MAPK4: variants seen among roughly 807,000 people sequenced by gnomAD.
MAPK4 encodes the protein Erk3-related.
A neutral mutation model predicts 47.7 loss-of-function variants in MAPK4; 22 were observed. That is an observed-to-expected ratio of 0.46 (90% CI 0.33 to 0.66). The LOEUF is 0.66. Ranked by LOEUF, MAPK4 falls within the 30% of genes least tolerant of loss-of-function variation. MAPK4 has a pLI of 0.02. For synonymous variants in MAPK4, 390 were observed against 365.7 expected (o/e 1.07, Z -0.76); for missense variants, 736 against 831.7 (o/e 0.88, Z 1.42).
At chr18:50,640,005 T>A (rs1209658049) in intron 1 of MAPK4, among the ~76,000 whole-genome samples, 1 of 152,232 alleles carries the variant, frequency 6.6e-6, no homozygotes, top group Non-Finnish European at 1.5e-5. Flanking sequence ...GGAATCAGTT[T>A]AAATATGTCA....
intron 1 of MAPK4, among the ~76,000 whole-genome samples, chr18:50,603,420 A>G (rs900408640): frequency 3.3e-5 from 5 of 152,066 alleles, no homozygotes; most frequent in African/African-American, 7.2e-5. Context: ...TGTCATGCCA[A>G]TTTCCTGCGT....
chr18:50,636,336 C>T (rs1423308275), intron 1 of MAPK4, among the ~76,000 whole-genome samples: 1 of 152,216 alleles, frequency 6.6e-6, no homozygotes, highest in Admixed American at 6.5e-5. Flanking sequence ...TGACTGAAGC[C>T]CCAAGAGGGC....
At chr18:50,606,819 ATG>A (rs1380408591) in intron 1 of MAPK4, among the ~76,000 whole-genome samples, 1 of 152,162 alleles carries the variant, frequency 6.6e-6, no homozygotes, top group African/African-American at 2.4e-5. Context: ...CAGCTGTCCA[ATG>A]TGTGTGAGCA....
At chr18:50,717,098 T>C (rs957922042) in intron 3 of MAPK4, among the ~76,000 whole-genome samples, 1 of 152,188 alleles carries the variant, frequency 6.6e-6, no homozygotes, top group Non-Finnish European at 1.5e-5. Flanking sequence ...GTGAGGCTGA[T>C]GTGACTCACT....
intron 2 of MAPK4, among the ~76,000 whole-genome samples, chr18:50,695,010 T>A (rs990439527): frequency 6.6e-6 from 1 of 152,144 alleles, no homozygotes; most frequent in African/African-American, 2.4e-5. Flanking sequence ...TTACTGTTGC[T>A]CTCTGCCTGT....
intron 5 of MAPK4, 105 bp from the exon 6 acceptor site, chr18:50,729,053 C>T: frequency 1.0e-6 from 1 of 981,536 alleles, no homozygotes; most frequent in African/African-American, 1.6e-5. Context: ...GGATGGGGGT[C>T]GAAGGCAGGT....
chr18:50,682,147 G>C (rs918654650), intron 2 of MAPK4, among the ~76,000 whole-genome samples: 2 of 152,132 alleles, frequency 1.3e-5, no homozygotes, highest in African/African-American at 4.8e-5. Flanking sequence ...GAATTAGATA[G>C]TAGTGATGAT....
intron 2 of MAPK4, among the ~76,000 whole-genome samples, chr18:50,688,410 G>A (rs1295224787): frequency 6.6e-6 from 1 of 152,218 alleles, no homozygotes; most frequent in African/African-American, 2.4e-5. Context: ...GCTGAGGTCA[G>A]AAAAGGCATG....
chr18:50,587,453 A>G (rs1039580509), intron 1 of MAPK4, among the ~76,000 whole-genome samples: 5 of 152,144 alleles, frequency 3.3e-5, no homozygotes, highest in African/African-American at 1.2e-4. Flanking sequence ...GTGCAGCCCA[A>G]ATGGAGTAAG....
intron 2 of MAPK4, among the ~76,000 whole-genome samples, chr18:50,680,309 C>G (rs1224678250): frequency 6.6e-6 from 1 of 151,902 alleles, no homozygotes; most frequent in Non-Finnish European, 1.5e-5. Flanking sequence ...CCAGGCTGGT[C>G]TTGAACTCCT....
chr18:50,663,844 C>A lies in MAPK4; in HGVS notation c.-115C>A. 2 of 874,086 alleles carry A rather than the reference C, an allele frequency of 2.3e-6. No homozygotes were observed. The highest frequency in any genetic ancestry group is 1.7e-5 in the South Asian group (1 of 59,702). The allele number at this position is 874,086 out of a possible 1,614,324, so 54.1% of individuals were successfully genotyped here. A position where few individuals can be genotyped will look rare whatever the true frequency, so the allele number is the denominator to read the frequency against. ...GTGACCTCACTAGGAGAAAACACAT[C>A]CCTCAGCCGTGGGACTTGACAGAAT... On this transcript the variant is annotated 5_prime_UTR_variant, in exon 2 of 6. Transcript: ENST00000400384.
intron 2 of MAPK4, among the ~76,000 whole-genome samples, chr18:50,712,953 G>A (rs1386163261): frequency 1.3e-5 from 2 of 152,060 alleles, no homozygotes; most frequent in Admixed American, 6.6e-5. Context: ...TTTTAGAATC[G>A]AACTTAAATT....
At chr18:50,725,858 C>A in intron 4 of MAPK4, 104 bp from the exon 5 acceptor site, 2 of 956,552 alleles carry the variant, frequency 2.1e-6, no homozygotes, top group Non-Finnish European at 1.7e-6. Flanking sequence ...TTAACAAATG[C>A]AGAAGCACAG....
chr18:50,644,748 C>G (rs993169504), intron 1 of MAPK4, among the ~76,000 whole-genome samples: 1 of 152,100 alleles, frequency 6.6e-6, no homozygotes, highest in Non-Finnish European at 1.5e-5. Flanking sequence ...AGCTCAAATC[C>G]TCAATGTGAG....
At chr18:50,624,676 A>C (rs1275614420) in intron 1 of MAPK4, among the ~76,000 whole-genome samples, 1 of 152,082 alleles carries the variant, frequency 6.6e-6, no homozygotes. Context: ...TGAATTTACA[A>C]TTTTTTCAAA....
At chr18:50,708,623 T>C (rs1277351343) in intron 2 of MAPK4, among the ~76,000 whole-genome samples, 1 of 152,140 alleles carries the variant, frequency 6.6e-6, no homozygotes, top group African/African-American at 2.4e-5. Flanking sequence ...AGGAAGACGG[T>C]TTTGGCACAT....
intron 1 of MAPK4, among the ~76,000 whole-genome samples, chr18:50,566,637 C>T (rs1174760489): frequency 6.6e-6 from 1 of 152,200 alleles, no homozygotes; most frequent in African/African-American, 2.4e-5. Context: ...TACATCTATG[C>T]CAAAGGTGTG....
intron 1 of MAPK4, among the ~76,000 whole-genome samples, chr18:50,625,927 C>CACACACACACACACACACAT (rs1167419602): frequency 3.2e-5 from 3 of 93,368 alleles, no homozygotes; most frequent in African/African-American, 1.2e-4. Context: ...CACACACACA[C>CACACACACACACACACACAT]ATATATAATG....
rs563064447 is a variant in MAPK4, at chr18:50,713,164, A to T, written c.547-1915A>T. Reference sequence around the variant, plus strand: ...TGAATAAATTGTTTGAGATGATGGAATTGTTACGTATCTTGATTGTGATGG... The same window carrying T: ...TGAATAAATTGTTTGAGATGATGGATTTGTTACGTATCTTGATTGTGATGG... On this transcript the variant is annotated intron_variant, in intron 2 of 5. Coordinates refer to ENST00000400384, the MANE Select transcript of MAPK4 (RefSeq NM_002747.4). Among the ~76,000 whole-genome samples, 4 of 152,322 alleles carry T rather than the reference A, an allele frequency of 2.6e-5. No individual in the cohort carries two copies. In the East Asian group the frequency reaches 7.7e-4, roughly 29 times the overall value.
Sources: allele counts gnomAD v4.1 joint callset (sites outside exome capture counted in the v4.1 genomes callset), GRCh38; gene constraint gnomAD v4.1.1; transcripts MANE v1.5; gene names NCBI Gene and HGNC (gene_info 2026-07-23, HGNC 2026-07-21).